PSPC1: variants seen among roughly 807,000 people sequenced by gnomAD.
PSPC1 encodes paraspeckle component 1, also known as paraspeckle protein 1.
A neutral mutation model predicts 51.6 loss-of-function variants in PSPC1; 14 were observed. That is an observed-to-expected ratio of 0.27 (90% CI 0.18 to 0.42). PSPC1 has a LOEUF of 0.42. Among genes scored for constraint, PSPC1 ranks in the 10% least tolerant of loss-of-function variants. The pLI is 1.00. For missense variants in PSPC1, 406 were observed against 701.1 expected (o/e 0.58, Z 4.75); for synonymous variants, 193 against 231.9 (o/e 0.83, Z 1.53).
At chr13:19,780,174 C>T (rs1402303914) in intron 1 of PSPC1, among the ~76,000 whole-genome samples, 11 of 105,016 alleles carry the variant, frequency 1.0e-4, no homozygotes, top group Admixed American at 2.0e-4. Context: ...CCGCCCCGTC[C>T]GGGAGGGAGG....
chr13:19,769,207 T>C (rs946246635), intron 2 of PSPC1, among the ~76,000 whole-genome samples: 11 of 150,654 alleles, frequency 7.3e-5, no homozygotes, highest in Non-Finnish European at 1.2e-4. Flanking sequence ...TCTCAGCACT[T>C]TGGGAGGCCA....
intron 6 of PSPC1, among the ~76,000 whole-genome samples, chr13:19,686,968 G>T (rs1026119214): frequency 6.6e-6 from 1 of 152,144 alleles, no homozygotes; most frequent in Non-Finnish European, 1.5e-5. Flanking sequence ...AGGCCAAGGT[G>T]GGCGGATCAT....
chr13:19,694,170 TACAC>T (rs767420495), intron 6 of PSPC1, among the ~76,000 whole-genome samples: 242 of 120,892 alleles, frequency 2.0e-3, no homozygotes, highest in Middle Eastern at 4.9e-3. Flanking sequence ...TATATATACA[TACAC>T]ACATACACAC....
chr13:19,682,648 A>G (rs545217674), intron 6 of PSPC1, among the ~76,000 whole-genome samples: 1 of 152,352 alleles, frequency 6.6e-6, no homozygotes, highest in East Asian at 1.9e-4. Flanking sequence ...AACATGACTG[A>G]CAGTATGGAG....
At chr13:19,707,491 T>C (rs1336164770) in intron 7 of PSPC1, among the ~76,000 whole-genome samples, 1 of 152,230 alleles carries the variant, frequency 6.6e-6, no homozygotes, top group Non-Finnish European at 1.5e-5. Context: ...ATGACAGTTT[T>C]AACTTCTCAA....
chr13:19,770,331 G>A lies in PSPC1; in HGVS notation c.674+1911C>T, dbSNP rs371424209. ...GGAAGTGTTCTGTATTTTTATTATG[G>A]CAGTGTGTTACATGAGTACATATGT... On this transcript the variant is annotated intron_variant, in intron 2 of 8. Transcript: ENST00000338910. Among the ~76,000 whole-genome samples the A allele has an allele frequency of 1.2e-4, 18 of 152,300 alleles. No homozygotes were observed. In the East Asian group the frequency reaches 1.5e-3, roughly 13 times the overall value.
intron 1 of PSPC1, among the ~76,000 whole-genome samples, chr13:19,773,039 T>G (rs1004427541): frequency 3.6e-4 from 55 of 151,852 alleles, no homozygotes; most frequent in African/African-American, 1.2e-3. Context: ...GCGGGTGCCT[T>G]AATCCCAACT....
At position 19,741,654 on chromosome 13, in the gene PSPC1, A is replaced by C; in HGVS notation, c.968-5T>G. The stretch of plus-strand genomic sequence containing the variant: ...CTTCTTGACGCCTCATTAGATCTAT[A>C]AAATAATGACTGCACATTAATATTT... On this transcript the variant is annotated splice_region_variant and splice_polypyrimidine_tract_variant and intron_variant, in intron 4 of 8. Coordinates refer to ENST00000338910, the MANE Select transcript of PSPC1 (RefSeq NM_001354909.2). 2 of 1,558,844 alleles carry C rather than the reference A, an allele frequency of 1.3e-6. No homozygotes were observed. Among genetic ancestry groups the C allele is most frequent in the Non-Finnish European group, 1.8e-6 (2 of 1,142,092 alleles).
intron 5 of PSPC1, among the ~76,000 whole-genome samples, chr13:19,735,214 A>G (rs1884639941): frequency 6.6e-6 from 1 of 152,104 alleles, no homozygotes; most frequent in Admixed American, 6.6e-5. Flanking sequence ...CGGGAGGCTG[A>G]GGCAGGAGAA....
intron 4 of PSPC1, 24 bp downstream of exon 4, chr13:19,751,247 A>C (rs779629377): frequency 6.7e-7 from 1 of 1,501,622 alleles, no homozygotes; most frequent in East Asian, 2.3e-5. Context: ...ATCATACCAC[A>C]TGTACATGAA....
intron 6 of PSPC1, among the ~76,000 whole-genome samples, chr13:19,680,791 A>C (rs1877184199): frequency 6.6e-6 from 1 of 152,196 alleles, no homozygotes; most frequent in African/African-American, 2.4e-5. Context: ...CTCATGCCAA[A>C]ACATTTAAAC....
chr13:19,780,045 TC>T (rs1889753823), intron 1 of PSPC1, among the ~76,000 whole-genome samples: 1 of 135,218 alleles, frequency 7.4e-6, no homozygotes, highest in Non-Finnish European at 1.6e-5. Flanking sequence ...AGCCGCCCCG[TC>T]CGGGAGGTGA....
chr13:19,696,789 C>A (rs1879315022), intron 6 of PSPC1, among the ~76,000 whole-genome samples: 1 of 152,160 alleles, frequency 6.6e-6, no homozygotes, highest in Non-Finnish European at 1.5e-5. Context: ...AAAACAGTTA[C>A]ATTATTTCAT....
At chr13:19,755,953 T>C (rs1327921501) in intron 3 of PSPC1, among the ~76,000 whole-genome samples, 1 of 151,984 alleles carries the variant, frequency 6.6e-6, no homozygotes, top group African/African-American at 2.4e-5. Flanking sequence ...AATAAACAAG[T>C]GGGCCGGGCG....
intron 7 of PSPC1, chr13:19,677,675 A>G (rs1263507753): frequency 9.7e-6 from 4 of 414,492 alleles, no homozygotes; most frequent in South Asian, 3.5e-5. Context: ...CTAGGAAGAA[A>G]CGAATACTCA....
Position 19,735,906 on chromosome 13 carries a change from A to G in PSPC1, c.1053-5562T>C, listed in dbSNP as rs930959245. On this transcript the variant is annotated intron_variant, in intron 5 of 8. Coordinates refer to ENST00000338910, the MANE Select transcript of PSPC1 (RefSeq NM_001354909.2). ...GCGCCATCTCTGCTCACTGCAAGCT[A>G]CGCCTCCTGGGTTCAAGCCATTCTC... Among the ~76,000 whole-genome samples the G allele has an allele frequency of 9.0e-3, 1,371 of 151,948 alleles. 13 individuals are homozygous for G. Among genetic ancestry groups the G allele is most frequent in the African/African-American group, 0.031 (1,303 of 41,436 alleles).
chr13:19,769,608 G>A (rs1888430529), intron 2 of PSPC1, among the ~76,000 whole-genome samples: 1 of 151,910 alleles, frequency 6.6e-6, no homozygotes. Flanking sequence ...GGTGGCGCAT[G>A]CCTGTAATCC....
rs752804733 is a variant in PSPC1 at position 19,782,588 on chromosome 13, G to C, written c.170C>G (p.Pro57Arg). ...PPAPAPPEDH[P>R]DEEMGFTIDI... ...GATAGTGAACCCCATCTCCTCGTCC[G>C]GGTGGTCCTCTGGAGGCGCGGGCGC... The change falls in exon 1 of 9, where the codon CCG becomes CGG. Residue 57 changes from proline (P) to arginine (R), a missense_variant. Pro to Arg is a moderately radical substitution (Grantham distance 103, BLOSUM62 -2). Coordinates refer to ENST00000338910, the MANE Select transcript of PSPC1 (RefSeq NM_001354909.2). The surrounding 1 kb of genome is among the most constrained non-coding windows in gnomAD (Gnocchi z 4.5). 1 of 1,597,006 alleles carries C rather than the reference G, an allele frequency of 6.3e-7. No homozygotes were observed. The highest frequency in any genetic ancestry group is 8.5e-7 in the Non-Finnish European group (1 of 1,173,100).
chr13:19,720,478 C>A (rs893239460), intron 6 of PSPC1, among the ~76,000 whole-genome samples: 1 of 152,086 alleles, frequency 6.6e-6, no homozygotes, highest in African/African-American at 2.4e-5. Context: ...TTGTGATAGT[C>A]GGCATTAGAT....
Sources: allele counts gnomAD v4.1 joint callset (sites outside exome capture counted in the v4.1 genomes callset), GRCh38; gene constraint gnomAD v4.1.1; non-coding constraint Gnocchi (gnomAD v3.1); transcripts MANE v1.5; gene names NCBI Gene and HGNC (gene_info 2026-07-23, HGNC 2026-07-21).